The following C3 variants were observed in gnomAD, a reference collection of about 807,000 sequenced individuals.
C3 encodes complement C3.
A neutral mutation model predicts 207.9 loss-of-function variants in C3; 97 were observed. That is an observed-to-expected ratio of 0.47 (90% CI 0.40 to 0.55). The LOEUF is 0.55. Among genes scored for constraint, C3 ranks in the 20% least tolerant of loss-of-function variants. The pLI, the probability that C3 is intolerant of heterozygous loss-of-function variation, is 0.00. For synonymous variants in C3, 848 were observed against 857.6 expected (o/e 0.99, Z 0.20); for missense variants, 1,684 against 2,171.7 (o/e 0.78, Z 4.46).
intron 30 of C3, 63 bp downstream of exon 30, chr19:6,684,925 T>G: frequency 6.2e-7 from 1 of 1,610,376 alleles, no homozygotes; most frequent in Admixed American, 1.7e-5. Flanking sequence ...TGCTTCCCAG[T>G]AAACCCTGGC....
At chr19:6,691,710 C>T (rs377302353) in intron 26 of C3, among the ~76,000 whole-genome samples, 2 of 152,024 alleles carry the variant, frequency 1.3e-5, no homozygotes, top group South Asian at 2.1e-4. Flanking sequence ...CTAGGCCGGG[C>T]GCGGTGGCTC....
chr19:6,689,331 C>CCTACCTACCTACCTACCTACCTACCTA (rs1568213443), intron 27 of C3, among the ~76,000 whole-genome samples: 1 of 46,468 alleles, frequency 2.2e-5, no homozygotes, highest in African/African-American at 9.3e-5. Flanking sequence ...CTACCTACCT[C>CCTACCTACCTACCTACCTACCTACCTA]CCTCCCTCCC....
chr19:6,680,431 G>A (rs1447703384), intron 35 of C3, among the ~76,000 whole-genome samples, 168 bp from the exon 36 acceptor site: 2 of 152,232 alleles, frequency 1.3e-5, no homozygotes, highest in African/African-American at 4.8e-5. Context: ...CTCACAGTGA[G>A]ACTACCTTTC....
Position 6,713,505 on chromosome 19 carries a change from G to A in C3, c.778C>T (p.Leu260Phe). ...GTTCCCTCCACTTTCTTCCCGTAGA[G>A]GAACCTACGGGACAGACAAGGAGGG... ...GLEVTITARFLYGKKVEGTAF... is the reference protein window; with the variant it reads ...GLEVTITARFFYGKKVEGTAF... Residue 260 changes from leucine (L) to phenylalanine (F), a missense_variant, in exon 8 of 41, where the codon CTC becomes TTC. By Grantham distance (22) the Leu-to-Phe change is conservative. This residue lies in a region of C3 where 1,280 missense variants were observed against 1,739.1 expected (regional missense o/e 0.74). Transcript: ENST00000245907. 6.2e-7 allele frequency: 1 copy of A among 1,609,522 alleles called. No individual in the cohort carries two copies. Among genetic ancestry groups the A allele is most frequent in the Non-Finnish European group, 8.5e-7 (1 of 1,176,046 alleles).
intron 27 of C3, among the ~76,000 whole-genome samples, chr19:6,689,354 T>TA (rs1568213525): frequency 1.4e-4 from 4 of 29,128 alleles, no homozygotes; most frequent in African/African-American, 6.6e-4. Context: ...CCTCCCTCCC[T>TA]CCCTCCCTCT....
At chr19:6,693,171 G>C in intron 25 of C3, 88 bp from the exon 26 acceptor site, 2 of 1,504,310 alleles carry the variant, frequency 1.3e-6, no homozygotes, top group South Asian at 2.3e-5. Context: ...GGAGGGACCA[G>C]GGCCTGGCCC....
chr19:6,711,438 C>T (rs1387156775), intron 11 of C3, among the ~76,000 whole-genome samples: 2 of 152,200 alleles, frequency 1.3e-5, no homozygotes, highest in African/African-American at 4.8e-5. Context: ...GAAAGAGAGA[C>T]ACTGGAAGAT....
rs1245437848 is a variant in C3 at position 6,707,894 on chromosome 19, G to C, written c.1881C>G (p.Cys627Trp). The C allele has an allele frequency of 6.2e-7, 1 of 1,613,772 alleles. No homozygotes were observed. Among genetic ancestry groups the C allele is most frequent in the Non-Finnish European group, 8.5e-7 (1 of 1,180,010 alleles). The change falls in exon 15 of 41, where the codon TGC (cysteine) becomes TGG (tryptophan). Residue 627 changes from cysteine to tryptophan, a missense_variant. By Grantham distance (215) the Cys-to-Trp change is radical (BLOSUM62 -2). Around this residue, in one of 3 missense-constraint regions of C3, gnomAD observed 1,280 missense variants for 1,739.1 expected, o/e 0.74. Transcript: ENST00000245907. ...CGTAATCCTTCCCACTGCCCGGGGT[G>C]CAGCCGATGTCTGCCTTCTCCACCA... is the stretch of plus-strand genomic sequence containing the variant. ...WDVVEKADIG[C>W]TPGSGKDYAG... is the part of the protein sequence containing the mutation.
chr19:6,684,350 G>A (rs1173792403), intron 33 of C3, 38 bp downstream of exon 33: 25 of 1,525,562 alleles, frequency 1.6e-5, no homozygotes, highest in Non-Finnish European at 2.0e-5. Flanking sequence ...AGAGATAGAG[G>A]GATGGCCAAG....
chr19:6,702,731 T>C, intron 17 of C3, 152 bp from the exon 18 acceptor site: 3 of 662,742 alleles, frequency 4.5e-6, no homozygotes, highest in South Asian at 3.1e-5. Context: ...AACCCATCTC[T>C]ACTAAAAATA....
chr19:6,694,339 G>T, intron 24 of C3, 92 bp downstream of exon 24: 1 of 1,123,854 alleles, frequency 8.9e-7, no homozygotes. Context: ...AGCCTCAGGG[G>T]AGGGCGTGGT....
At chr19:6,680,372 G>A (rs1180990066) in intron 35 of C3, 109 bp from the exon 36 acceptor site, 2 of 731,308 alleles carry the variant, frequency 2.7e-6, no homozygotes, top group Non-Finnish European at 5.1e-6. Context: ...GGAGGAAGTG[G>A]CAAAGATGAA....
intron 24 of C3, among the ~76,000 whole-genome samples, chr19:6,693,710 A>C (rs968353079): frequency 7.7e-5 from 10 of 129,686 alleles, no homozygotes; most frequent in Non-Finnish European, 1.1e-4. Context: ...GAGGAGAAGG[A>C]TATTGAGGGT....
intron 24 of C3, among the ~76,000 whole-genome samples, chr19:6,694,009 G>A (rs1303521892): frequency 2.4e-5 from 3 of 125,934 alleles, no homozygotes; most frequent in Non-Finnish European, 5.1e-5. Flanking sequence ...GAGGAGAGGC[G>A]GGGTCTCATG....
At position 6,692,181 on chromosome 19, in the gene C3, C is replaced by A. The variant is rs189690149; in HGVS notation, c.3390+743G>T. Among the ~76,000 whole-genome samples, 22 of 152,230 alleles carry A rather than the reference C, an allele frequency of 1.4e-4. 1 individual carries two copies. Among genetic ancestry groups the A allele is most frequent in the Admixed American group, 1.2e-3 (19 of 15,296 alleles). On this transcript the variant is annotated intron_variant, in intron 26 of 40. Transcript: ENST00000245907. The stretch of plus-strand genomic sequence containing the variant: ...GCAGTGTCATGATCATGGCTCACTG[C>A]AGCCTCGACCTCCTGGGCTCAAGCC...
chr19:6,678,520 G>T, intron 38 of C3, 65 bp from the exon 39 acceptor site: 1 of 1,359,824 alleles, frequency 7.4e-7, no homozygotes, highest in Non-Finnish European at 1.0e-6. Context: ...ACCCTGGTTT[G>T]CAAGTGCACC....
chr19:6,684,271 C>G lies in C3; in HGVS notation c.4172+117G>C, dbSNP rs1203719428. On this transcript the variant is annotated intron_variant, in intron 33 of 40. Coordinates refer to ENST00000245907, the MANE Select transcript of C3 (RefSeq NM_000064.4). ...TCTACCTCATGGTGGATACTTAGAA[C>G]AGTATCAGATACACAGTGTACTTGG... The G allele has an allele frequency of 8.2e-6, 7 of 855,976 alleles. No individual in the cohort carries two copies. In the Admixed American group the frequency reaches 1.2e-4, roughly 14 times the overall value. 53.0% of individuals were successfully genotyped at this position (855,976 alleles called of 1,614,324 possible).
At position 6,719,359 on chromosome 19, in the gene C3, T is replaced by A. The variant is rs1219352295; in HGVS notation, c.119A>T (p.Glu40Val). The A allele has an allele frequency of 6.2e-7, 1 of 1,613,912 alleles. No homozygotes were observed. The highest frequency in any genetic ancestry group is 1.7e-5 in the Admixed American group (1 of 60,010). ...TPNILRLESEETMVLEAHDAQ... is the reference protein window; with the variant it reads ...TPNILRLESEVTMVLEAHDAQ... ...GTCGTGGGCCTCCAGCACCATGGTC[T>A]CCTCGCTCTCCAGCCGCAAGATGTT... is the stretch of plus-strand genomic sequence containing the variant. The change falls in exon 2 of 41, where the codon GAG becomes GTG. Residue 40 changes from glutamate (E) to valine (V), a missense_variant. By Grantham distance (121) the Glu-to-Val change is moderately radical (BLOSUM62 -2). This residue lies in a region of C3 where 58 missense variants were observed against 52.5 expected (regional missense o/e 1.10). Coordinates refer to ENST00000245907, the MANE Select transcript of C3 (RefSeq NM_000064.4). This position sits in a 1 kb window ranked among gnomAD's most constrained non-coding sequence, Gnocchi z 5.4.
rs765928197 is a variant in C3 at position 6,720,526 on chromosome 19, C to A, written c.64G>T (p.Gly22Trp). 6.3e-7 allele frequency: 1 copy of A among 1,592,116 alleles called. No homozygotes were observed. The highest frequency in any genetic ancestry group is 2.3e-5 in the East Asian group (1 of 44,034). Residue 22 changes from glycine (G) to tryptophan (W), a missense_variant, in exon 1 of 41, where the codon GGG (glycine) becomes TGG (tryptophan). Around this residue, in one of 3 missense-constraint regions of C3, gnomAD observed 58 missense variants for 52.5 expected, o/e 1.10. Coordinates refer to ENST00000245907, the MANE Select transcript of C3 (RefSeq NM_000064.4). ...LLLTHLPLAL[G>W]SPMYSIITPN... ...GTCATAACCACTCACATGGGACTCC[C>A]CAGAGCCAGGGGGAGGTGGGTTAGT... is the stretch of plus-strand genomic sequence containing the variant.
Sources: allele counts gnomAD v4.1 joint callset (sites outside exome capture counted in the v4.1 genomes callset), GRCh38; gene constraint gnomAD v4.1.1; regional missense constraint gnomAD v4.1.1; non-coding constraint Gnocchi (gnomAD v3.1); transcripts MANE v1.5; gene names NCBI Gene and HGNC (gene_info 2026-07-23, HGNC 2026-07-21).